The following CD47 variants were observed in gnomAD, a reference collection of about 807,000 sequenced individuals.
CD47 encodes leukocyte surface antigen CD47.
In CD47, 11 loss-of-function variants were observed where a neutral mutation model predicts 44.6. That is an observed-to-expected ratio of 0.25 (90% CI 0.16 to 0.41). The LOEUF (loss-of-function observed/expected upper bound fraction) is 0.41. CD47 is among the 10% of genes least tolerant of loss of function. The pLI is 1.00. For missense variants in CD47, 306 were observed against 386.7 expected, an observed-to-expected ratio of 0.79 and a Z score of 1.75; for synonymous variants, 140 against 136.3, an observed-to-expected ratio of 1.03 and a Z score of -0.19.
intron 3 of CD47, among the ~76,000 whole-genome samples, chr3:108,069,417 A>G (rs549778001): frequency 1.6e-4 from 25 of 152,050 alleles, no homozygotes; most frequent in Non-Finnish European, 2.9e-4. Flanking sequence ...TAAAAAAAAG[A>G]TAACAAAAAT....
chr3:108,090,557 C>A (rs1295234431), intron 1 of CD47, among the ~76,000 whole-genome samples: 14 of 152,262 alleles, frequency 9.2e-5, no homozygotes, highest in Non-Finnish European at 8.8e-5. Context: ...TTAATTTTTG[C>A]GCGAGGTGCG....
chr3:108,048,401 T>TTTGGG (rs2078759333), intron 10 of CD47, among the ~76,000 whole-genome samples: 1 of 97,460 alleles, frequency 1.0e-5, no homozygotes, highest in Admixed American at 1.2e-4. Flanking sequence ...TTTTTTTTTC[T>TTTGGG]TGAGACGGAG....
chr3:108,056,044 G>A (rs1047021613), intron 7 of CD47, among the ~76,000 whole-genome samples: 1 of 152,192 alleles, frequency 6.6e-6, no homozygotes, highest in African/African-American at 2.4e-5. Context: ...TACTTCACCA[G>A]AGTTGTATGG....
chr3:108,059,615 C>A, intron 4 of CD47, 71 bp from the exon 5 acceptor site: 1 of 710,306 alleles, frequency 1.4e-6, no homozygotes, highest in Admixed American at 3.2e-5. Flanking sequence ...AAATTCTGTG[C>A]TTGACAACTG....
At chr3:108,054,555 A>AT (rs1296766343) in intron 7 of CD47, 3 of 152,260 alleles carry the variant, frequency 2.0e-5, no homozygotes, top group South Asian at 2.1e-4. Flanking sequence ...ATATATATAT[A>AT]TTTTTTAACC....
Position 108,059,515 on chromosome 3 carries a change from G to A in CD47, c.628C>T (p.Leu210Phe). Reference protein sequence around the residue: ...GEYSLKNATGLGLIVTSTGIL... With the variant: ...GEYSLKNATGFGLIVTSTGIL... ...CCTGTAGAAGTCACAATTAAACCAAGGCCAGTAGCATTCTTTAATGAATAT... is the reference window on the plus strand; with the variant it reads ...CCTGTAGAAGTCACAATTAAACCAAAGCCAGTAGCATTCTTTAATGAATAT... Residue 210 changes from leucine (L) to phenylalanine (F), a missense_variant, in exon 5 of 11, where the codon CTT (leucine) becomes TTT (phenylalanine). Physicochemically the swap from Leu to Phe is conservative, Grantham distance 22. This residue lies in a region of CD47 where 65 missense variants were observed against 119.9 expected (regional missense o/e 0.54). Coordinates refer to ENST00000361309, the MANE Select transcript of CD47 (RefSeq NM_001777.4). The A allele has an allele frequency of 6.6e-7, 1 of 1,512,706 alleles. No homozygotes were observed. Among genetic ancestry groups the A allele is most frequent in the Non-Finnish European group, 8.9e-7 (1 of 1,119,006 alleles). The allele number at this position is 1,512,706 out of a possible 1,614,324, so 93.7% of individuals were successfully genotyped here.
chr3:108,055,532 T>G, intron 7 of CD47: 1 of 1,303,970 alleles, frequency 7.7e-7, no homozygotes, highest in Non-Finnish European at 1.0e-6. Flanking sequence ...TGTCTCTTCT[T>G]GCCTTTCAAC....
chr3:108,084,349 C>T (rs528790131), intron 1 of CD47, among the ~76,000 whole-genome samples: 25 of 152,132 alleles, frequency 1.6e-4, no homozygotes, highest in African/African-American at 6.0e-4. Flanking sequence ...TCTCTCTTGG[C>T]CTCCATGGTA....
intron 2 of CD47, among the ~76,000 whole-genome samples, chr3:108,079,567 TAAAAAAAAA>T (rs71629342): frequency 1.5e-4 from 8 of 53,120 alleles, no homozygotes; most frequent in Admixed American, 1.4e-3. Flanking sequence ...AGTGTAAGGT[TAAAAAAAAA>T]AAAAAAAAAA....
chr3:108,082,473 C>CT (rs1020940975), intron 1 of CD47, among the ~76,000 whole-genome samples: 1 of 151,914 alleles, frequency 6.6e-6, no homozygotes, highest in African/African-American at 2.4e-5. Flanking sequence ...ATAAATGTGT[C>CT]TGTTTTTCCA....
chr3:108,055,976 C>G (rs147751586), intron 7 of CD47, among the ~76,000 whole-genome samples: 1 of 152,124 alleles, frequency 6.6e-6, no homozygotes, highest in Non-Finnish European at 1.5e-5. Flanking sequence ...GGGAGGACAA[C>G]CCAGATAGTG....
At chr3:108,056,002 C>T (rs1467289382) in intron 7 of CD47, among the ~76,000 whole-genome samples, 4 of 152,148 alleles carry the variant, frequency 2.6e-5, no homozygotes, top group African/African-American at 7.2e-5. Flanking sequence ...AAAATAAGAG[C>T]GTGCTGCCCG....
chr3:108,090,829 G>A (rs2079621046), intron 1 of CD47, 34 bp downstream of exon 1: 2 of 1,462,590 alleles, frequency 1.4e-6, no homozygotes, highest in African/African-American at 1.5e-5. Flanking sequence ...CGAAGCGACA[G>A]CAGCCGCAGG....
At chr3:108,056,784 A>C (rs1248634859) in intron 7 of CD47, among the ~76,000 whole-genome samples, 1 of 152,202 alleles carries the variant, frequency 6.6e-6, no homozygotes, top group Non-Finnish European at 1.5e-5. Flanking sequence ...GAATTTATGC[A>C]GAAATGTTAC....
At chr3:108,049,884 G>C (rs2078795486) in intron 9 of CD47, among the ~76,000 whole-genome samples, 1 of 152,108 alleles carries the variant, frequency 6.6e-6, no homozygotes, top group Middle Eastern at 3.2e-3. Context: ...AAGAAAATGA[G>C]ATGTTTTGGT....
chr3:108,060,725 C>G lies in CD47; in HGVS notation c.598+20G>C, dbSNP rs1453698161. On this transcript the variant is annotated intron_variant, in intron 4 of 10. Coordinates refer to ENST00000361309, the MANE Select transcript of CD47 (RefSeq NM_001777.4). Reference sequence around the variant, plus strand: ...ACTCATCTACCTCCTGCGTTCCTGCCTAGGAACTGCACATCTTACCTGGGA... The same window carrying G: ...ACTCATCTACCTCCTGCGTTCCTGCGTAGGAACTGCACATCTTACCTGGGA... The G allele has an allele frequency of 2.6e-6, 4 of 1,523,430 alleles. No homozygotes were observed. The East Asian group carries it at 6.8e-5, about 26-fold the overall frequency. The allele number at this position is 1,523,430 out of a possible 1,614,324, so 94.4% of individuals were successfully genotyped here.
At chr3:108,047,900 C>T (rs1416880178) in intron 10 of CD47, among the ~76,000 whole-genome samples, 2 of 152,118 alleles carry the variant, frequency 1.3e-5, no homozygotes, top group African/African-American at 4.8e-5. Context: ...ACAATATTTC[C>T]TGATGCAGTA....
rs1367409824 is a variant in CD47 at position 108,071,161 on chromosome 3, T to A, written c.422A>T (p.Glu141Val). 6.7e-7 allele frequency: 1 copy of A among 1,489,130 alleles called. No homozygotes were observed. The highest frequency in any genetic ancestry group is 9.2e-7 in the Non-Finnish European group (1 of 1,086,116). The allele number at this position is 1,489,130 out of a possible 1,614,324, so 92.2% of individuals were successfully genotyped here. The change falls in exon 3 of 11, where the codon GAA (glutamate) becomes GTA (valine). Residue 141 changes from glutamate (E) to valine (V), a missense_variant. By Grantham distance (121) the Glu-to-Val change is moderately radical. Transcript: ENST00000361309. ...YRVVSWFSPN[E>V]NILIVIFPIF... ...TGGGAAAATAACAATAAGAATATTT[T>A]CATTTGGAGAAAACCATGAAACTGG...
In CD47 at chr3:108,058,310, T is replaced by C. The variant is rs1020167441; in HGVS notation, c.784+27A>G. ...GAGCTCTGTCCAAAAGTAACCCAAA[T>C]TAGGTCTACAGAAAGATGACTCTTA... On this transcript the variant is annotated intron_variant, in intron 6 of 10. Coordinates refer to ENST00000361309, the MANE Select transcript of CD47 (RefSeq NM_001777.4). 2.2e-6 allele frequency: 3 copies of C among 1,353,618 alleles called. No homozygotes were observed. In the African/African-American group the frequency reaches 4.5e-5, roughly 20 times the overall value. The allele number at this position is 1,353,618 out of a possible 1,614,324, so 83.9% of individuals were successfully genotyped here.
Sources: allele counts gnomAD v4.1 joint callset (sites outside exome capture counted in the v4.1 genomes callset), GRCh38; gene constraint gnomAD v4.1.1; regional missense constraint gnomAD v4.1.1; transcripts MANE v1.5; gene names NCBI Gene and HGNC (gene_info 2026-07-23, HGNC 2026-07-21).